The following XIRP2 variants were observed in gnomAD, a reference collection of about 807,000 sequenced individuals.
XIRP2 encodes xin actin-binding repeat-containing protein 2.
In XIRP2, 236 loss-of-function variants were observed where a neutral mutation model predicts 277.0. That is an observed-to-expected ratio of 0.85 (90% CI 0.77 to 0.95). The LOEUF (loss-of-function observed/expected upper bound fraction) is 0.95, where lower values mean the gene tolerates loss of function less well. Ranked by LOEUF, XIRP2 falls within the 40% of genes least tolerant of loss-of-function variation. The probability of loss-of-function intolerance (pLI) is 0.00; values close to 1 mark genes in which losing one functional copy is unlikely to be tolerated. For missense variants in XIRP2, 4,640 were observed against 4,157.5 expected (o/e 1.12, Z -3.19); for synonymous variants, 1,490 against 1,416.5 (o/e 1.05, Z -1.17).
intron 5 of XIRP2, among the ~76,000 whole-genome samples, chr2:167,229,821 T>C (rs930063300): frequency 6.6e-6 from 1 of 152,174 alleles, no homozygotes; most frequent in Non-Finnish European, 1.5e-5. Context: ...AGACGTATGT[T>C]AGGGTAACTT....
intron 3 of XIRP2, among the ~76,000 whole-genome samples, chr2:167,154,082 CT>C (rs1384701342): frequency 6.7e-6 from 1 of 149,458 alleles, no homozygotes; most frequent in African/African-American, 2.5e-5. Context: ...TGTTTCCTGA[CT>C]TTTTAAAGAT....
chr2:167,086,578 A>C (rs1689951629), intron 2 of XIRP2, among the ~76,000 whole-genome samples: 1 of 151,872 alleles, frequency 6.6e-6, no homozygotes, highest in Admixed American at 6.6e-5. Flanking sequence ...TTTCAGGTAC[A>C]CCAATCAGAC....
rs549738066 is a variant in XIRP2, at chr2:167,023,765, T to C, written c.409-112144T>C. Among the ~76,000 whole-genome samples the C allele has an allele frequency of 9.4e-4, 143 of 152,304 alleles. 8 individuals carry two copies. The South Asian group carries it at 0.029, about 31-fold the overall frequency. On this transcript the variant is annotated intron_variant, in intron 2 of 10. Coordinates refer to ENST00000409195, the MANE Select transcript of XIRP2 (RefSeq NM_152381.6). ...GGGTTTGTCAAAGATCAGATGGTTG[T>C]AGATATGCGGCATTATTTCTGAGGG...
intron 2 of XIRP2, among the ~76,000 whole-genome samples, chr2:167,120,258 C>A (rs138470786): frequency 6.6e-6 from 1 of 152,264 alleles, no homozygotes; most frequent in East Asian, 1.9e-4. Flanking sequence ...TCCTAGAGCT[C>A]TGCACTATTT....
At chr2:167,043,442 A>G (rs1688714024) in intron 2 of XIRP2, among the ~76,000 whole-genome samples, 1 of 152,070 alleles carries the variant, frequency 6.6e-6, no homozygotes, top group Non-Finnish European at 1.5e-5. Flanking sequence ...TTGATAGCCT[A>G]GTAGCTAGAC....
intron 3 of XIRP2, among the ~76,000 whole-genome samples, chr2:167,164,149 C>T (rs557066780): frequency 1.1e-4 from 17 of 152,168 alleles, no homozygotes; most frequent in African/African-American, 4.1e-4. Flanking sequence ...TTAGAATTAA[C>T]TTGTGAATTG....
chr2:167,237,438 T>C (rs1269092974), intron 5 of XIRP2, among the ~76,000 whole-genome samples: 1 of 152,170 alleles, frequency 6.6e-6, no homozygotes, highest in Non-Finnish European at 1.5e-5. Context: ...TGTTGCTTTT[T>C]TTTTTAAATG....
intron 5 of XIRP2, among the ~76,000 whole-genome samples, chr2:167,219,893 G>C (rs933978748): frequency 6.6e-6 from 1 of 152,144 alleles, no homozygotes; most frequent in Non-Finnish European, 1.5e-5. Context: ...ACTTGATATT[G>C]GTTAAGACTC....
intron 5 of XIRP2, among the ~76,000 whole-genome samples, chr2:167,238,060 A>G (rs995130678): frequency 3.3e-5 from 5 of 152,218 alleles, no homozygotes; most frequent in Admixed American, 6.5e-5. Flanking sequence ...TTCTCAAGAA[A>G]CTAAAGCACT....
chr2:167,201,359 AGGAAGG>A (rs1693713714), intron 3 of XIRP2, among the ~76,000 whole-genome samples: 2 of 101,746 alleles, frequency 2.0e-5, no homozygotes, highest in Non-Finnish European at 3.5e-5. Context: ...GAAGGAAGGA[AGGAAGG>A]GGAAGGAAGG....
rs1347194935 is a variant in XIRP2 at position 167,064,783 on chromosome 2, CT to C, written c.409-71124del. On this transcript the variant is annotated intron_variant, in intron 2 of 10. Coordinates refer to ENST00000409195, the MANE Select transcript of XIRP2 (RefSeq NM_152381.6). ...GTCTTTTTCTTACTGACCTAATTCACTTAGTACAATTTTCTCCCAGGTTCAT... is the reference window on the plus strand; with the variant it reads ...GTCTTTTTCTTACTGACCTAATTCACTAGTACAATTTTCTCCCAGGTTCAT... 2.6e-5 allele frequency among the ~76,000 whole-genome samples: 4 copies of C among 152,018 alleles called. No homozygotes were observed. In the South Asian group the frequency reaches 6.2e-4, roughly 24 times the overall value.
chr2:167,098,853 G>C (rs1014555150), intron 2 of XIRP2, among the ~76,000 whole-genome samples: 9 of 152,264 alleles, frequency 5.9e-5, no homozygotes, highest in African/African-American at 1.9e-4. Context: ...GACCCTGTTT[G>C]GCTGGGTATC....
chr2:166,937,224 G>GT (rs956486006), intron 2 of XIRP2, among the ~76,000 whole-genome samples: 10 of 152,066 alleles, frequency 6.6e-5, no homozygotes, highest in Non-Finnish European at 1.5e-5. Context: ...TTGGCTGTGG[G>GT]TTTGTCATAC....
Position 167,258,980 on chromosome 2 carries a change from TC to T in XIRP2, c.*1164del. 6.2e-7 allele frequency: 1 copy of T among 1,611,950 alleles called. No individual in the cohort carries two copies. Among genetic ancestry groups the T allele is most frequent in the Non-Finnish European group, 8.5e-7 (1 of 1,178,954 alleles). ...AGGCCTTATGGTAAAGGGGGGAAGT[TC>T]AATCATCTCTCCTGATACAAATCTC... On this transcript the variant is annotated 3_prime_UTR_variant, in exon 11 of 11. Coordinates refer to ENST00000409195, the MANE Select transcript of XIRP2 (RefSeq NM_152381.6).
At chr2:167,128,506 G>C (rs1691276190) in intron 2 of XIRP2, among the ~76,000 whole-genome samples, 1 of 152,136 alleles carries the variant, frequency 6.6e-6, no homozygotes, top group Non-Finnish European at 1.5e-5. Flanking sequence ...ACATTCCACA[G>C]GGCTCACTAT....
Position 167,244,121 on chromosome 2 carries a change from G to T in XIRP2, c.2729G>T (p.Arg910Met). Residue 910 changes from arginine to methionine, a missense_variant, in exon 9 of 11, where the codon AGG (arginine) becomes ATG (methionine). Physicochemically the swap from Arg to Met is moderately conservative, Grantham distance 91. Transcript: ENST00000409195. Reference protein sequence around the residue: ...TASEEEKGDVRHQKWIFETQP... With the variant: ...TASEEEKGDVMHQKWIFETQP... ...TCTGAAGAAGAAAAAGGGGATGTTAGGCATCAAAAATGGATTTTTGAAACC... is the reference window on the plus strand; with the variant it reads ...TCTGAAGAAGAAAAAGGGGATGTTATGCATCAAAAATGGATTTTTGAAACC... The T allele has an allele frequency of 7.4e-6, 12 of 1,613,844 alleles. No individual in the cohort carries two copies. Among genetic ancestry groups the T allele is most frequent in the South Asian group, 1.1e-5 (1 of 91,072 alleles).
chr2:167,254,262 G>T (rs1311679445), intron 10 of XIRP2, 97 bp downstream of exon 10: 4 of 1,316,732 alleles, frequency 3.0e-6, no homozygotes, highest in Non-Finnish European at 3.9e-6. Context: ...TCCAGATCTT[G>T]TTGCTGCGTC....
intron 2 of XIRP2, among the ~76,000 whole-genome samples, chr2:167,013,402 G>T (rs13033499): frequency 0.036 from 5,474 of 151,200 alleles, 161 homozygotes; most frequent in Non-Finnish European, 0.048. Flanking sequence ...ATACTGATGC[G>T]GTCTTAAATA....
At chr2:166,987,744 G>T (rs918062391) in intron 2 of XIRP2, among the ~76,000 whole-genome samples, 8 of 152,182 alleles carry the variant, frequency 5.3e-5, no homozygotes, top group Admixed American at 2.6e-4. Context: ...AAAAAATCAT[G>T]GATATATAAA....
Sources: allele counts gnomAD v4.1 joint callset (sites outside exome capture counted in the v4.1 genomes callset), GRCh38; gene constraint gnomAD v4.1.1; transcripts MANE v1.5; gene names NCBI Gene and HGNC (gene_info 2026-07-23, HGNC 2026-07-21).